The following PDE6C variants were observed in gnomAD, a reference collection of about 807,000 sequenced individuals.
The protein encoded by PDE6C is cone cGMP-specific 3',5'-cyclic phosphodiesterase subunit alpha'.
In PDE6C, 75 loss-of-function variants were observed where a neutral mutation model predicts 113.1. The observed-to-expected ratio is 0.66, with a 90% CI of 0.55 to 0.80. The LOEUF is 0.80. PDE6C is among the 30% of genes least tolerant of loss of function. The pLI is 0.00. For synonymous variants in PDE6C, 375 were observed against 363.7 expected, an observed-to-expected ratio of 1.03 and a Z score of -0.35; for missense variants, 912 against 1,038.6, an observed-to-expected ratio of 0.88 and a Z score of 1.67.
At chr10:93,663,829 A>C (rs989145845) in intron 21 of PDE6C, among the ~76,000 whole-genome samples, 10 of 152,306 alleles carry the variant, frequency 6.6e-5, no homozygotes, top group Admixed American at 5.9e-4. Flanking sequence ...AGTTCATCAG[A>C]TGGCCCAAAC....
At position 93,626,768 on chromosome 10, in the gene PDE6C, C is replaced by T. The variant is rs758096236; in HGVS notation, c.1005-37C>T. 68 of 1,604,528 alleles carry T rather than the reference C, an allele frequency of 4.2e-5. No homozygotes were observed. The Admixed American group carries it at 1.1e-3, about 25-fold the overall frequency. ...GTATTTTTGCACATATTGCATTTCT[C>T]TATATTGCAATGATTTTTTTTCTTC... On this transcript the variant is annotated intron_variant, in intron 6 of 21. Transcript: ENST00000371447.
chr10:93,648,080 A>G (rs2058592868), intron 15 of PDE6C, among the ~76,000 whole-genome samples: 1 of 152,156 alleles, frequency 6.6e-6, no homozygotes, highest in Non-Finnish European at 1.5e-5. Context: ...CAGCTGCCAA[A>G]TATCTACATG....
At chr10:93,650,526 G>A (rs2058605103) in intron 15 of PDE6C, among the ~76,000 whole-genome samples, 1 of 152,240 alleles carries the variant, frequency 6.6e-6, no homozygotes, top group South Asian at 2.1e-4. Flanking sequence ...GGGATTACAG[G>A]TGTGAGTCAC....
chr10:93,629,943 C>A (rs929070436), intron 8 of PDE6C, among the ~76,000 whole-genome samples: 4 of 152,054 alleles, frequency 2.6e-5, no homozygotes, highest in Non-Finnish European at 5.9e-5. Context: ...GATTGGGGAC[C>A]CCTGATCTAA....
Position 93,651,772 on chromosome 10 carries a change from G to A in PDE6C, c.1936-3988G>A, listed in dbSNP as rs371278823. 5.3e-5 allele frequency among the ~76,000 whole-genome samples: 8 copies of A among 152,258 alleles called. 1 individual carries two copies. The highest frequency in any genetic ancestry group is 1.9e-4 in the African/African-American group (8 of 41,532). ...CCCTCCTTCACTTCTTGTTACCTAT[G>A]ACAATGTCTTTGGTCTAGGAGATTG... is the stretch of plus-strand genomic sequence containing the variant. On this transcript the variant is annotated intron_variant, in intron 15 of 21. Coordinates refer to ENST00000371447, the MANE Select transcript of PDE6C (RefSeq NM_006204.4).
chr10:93,662,470 A>AAG, intron 19 of PDE6C, 90 bp from the exon 20 acceptor site: 1 of 516,490 alleles, frequency 1.9e-6, no homozygotes, highest in South Asian at 2.1e-5. Flanking sequence ...CAAAAAAAAA[A>AAG]AAAAAAAAAA....
At chr10:93,662,883 T>C in intron 20 of PDE6C, 145 bp from the exon 21 acceptor site, 1 of 746,994 alleles carries the variant, frequency 1.3e-6, no homozygotes. Flanking sequence ...CGTGTCTCTT[T>C]CCCAAACTTC....
intron 13 of PDE6C, 76 bp downstream of exon 13, chr10:93,640,633 C>T (rs771327942): frequency 2.9e-6 from 3 of 1,048,516 alleles, no homozygotes; most frequent in African/African-American, 1.6e-5. Flanking sequence ...AGGTATGGTC[C>T]ATCATTTTAG....
rs182548157 is a variant in PDE6C, at chr10:93,620,104, C to A, written c.481-528C>A. ...AGCATGGAGAAAGGCATAGGAGACA[C>A]ACCAGCAGTTAGCACGGATTTCTTC... On this transcript the variant is annotated intron_variant, in intron 1 of 21. Transcript: ENST00000371447. Among the ~76,000 whole-genome samples the A allele has an allele frequency of 1.2e-4, 19 of 152,200 alleles. No homozygotes were observed. The East Asian group carries it at 3.5e-3, about 28-fold the overall frequency.
chr10:93,653,029 CT>C (rs1485025844), intron 15 of PDE6C, among the ~76,000 whole-genome samples: 1 of 152,142 alleles, frequency 6.6e-6, no homozygotes, highest in Non-Finnish European at 1.5e-5. Context: ...TCAAGGTTGG[CT>C]TCAAATATTA....
intron 16 of PDE6C, among the ~76,000 whole-genome samples, chr10:93,657,328 A>ATTTTTTTTTTTT (rs71031526): frequency 3.4e-5 from 3 of 88,284 alleles, no homozygotes; most frequent in African/African-American, 4.6e-5. Context: ...CGCCTGGCTA[A>ATTTTTTTTTTTT]TTTTTTTTTT....
intron 4 of PDE6C, among the ~76,000 whole-genome samples, chr10:93,623,278 T>G (rs1010809149): frequency 6.6e-6 from 1 of 152,248 alleles, no homozygotes; most frequent in Non-Finnish European, 1.5e-5. Flanking sequence ...GAGAGATAGC[T>G]GCTCAGATTT....
At chr10:93,636,858 C>T (rs1418415196) in intron 10 of PDE6C, 137 bp from the exon 11 acceptor site, 1 of 657,832 alleles carries the variant, frequency 1.5e-6, no homozygotes, top group African/African-American at 1.8e-5. Context: ...TCTTCCAACT[C>T]CTGGGCTCCA....
chr10:93,651,747 C>T (rs1161128378), intron 15 of PDE6C, among the ~76,000 whole-genome samples: 2 of 152,152 alleles, frequency 1.3e-5, no homozygotes, highest in Non-Finnish European at 2.9e-5. Context: ...TGTCTGCCTT[C>T]CCTCCTTCAC....
intron 8 of PDE6C, among the ~76,000 whole-genome samples, chr10:93,631,568 T>C (rs373741775): frequency 3.3e-5 from 5 of 152,142 alleles, no homozygotes; most frequent in East Asian, 3.9e-4. Flanking sequence ...CTCTGTCTGA[T>C]GTCTCTCTCA....
At chr10:93,640,702 T>C (rs1190976809) in intron 13 of PDE6C, 145 bp downstream of exon 13, 3 of 746,000 alleles carry the variant, frequency 4.0e-6, no homozygotes, top group Non-Finnish European at 7.2e-6. Context: ...AGTCCCAGTA[T>C]CCTTGAGCAC....
At chr10:93,660,364 A>C (rs1309103243) in intron 18 of PDE6C, among the ~76,000 whole-genome samples, 1 of 152,206 alleles carries the variant, frequency 6.6e-6, no homozygotes, top group African/African-American at 2.4e-5. Flanking sequence ...ATAGAATTCA[A>C]CAAAGAGGGT....
chr10:93,653,686 A>C (rs75032586), intron 15 of PDE6C, among the ~76,000 whole-genome samples: 1 of 152,074 alleles, frequency 6.6e-6, no homozygotes, highest in Non-Finnish European at 1.5e-5. Flanking sequence ...ACAAAAAAAA[A>C]CATTGATTTT....
rs149739681 is a variant in PDE6C, at chr10:93,613,187, T to C, written c.462T>C (p.Asn154=). The change falls in exon 1 of 22, where the codon AAT becomes AAC. Residue 154 remains asparagine, a synonymous_variant. Transcript: ENST00000371447. The part of the protein sequence containing the change: ...GWAAHTKKTH[N]VPDVKKNSHF... Reference sequence around the variant, plus strand: ...CTGCTCACACGAAGAAAACTCATAATGTCCCAGATGTGAAAAAGGTAGGTG... The same window carrying C: ...CTGCTCACACGAAGAAAACTCATAACGTCCCAGATGTGAAAAAGGTAGGTG... 3.9e-5 allele frequency: 63 copies of C among 1,613,622 alleles called. No homozygotes were observed. Among genetic ancestry groups the C allele is most frequent in the Non-Finnish European group, 4.2e-6 (5 of 1,180,016 alleles).
Sources: gnomAD v4.1 joint callset for allele counts (sites outside exome capture counted in the v4.1 genomes callset) on GRCh38, gnomAD v4.1.1 for gene constraint, MANE v1.5 for transcripts, NCBI Gene and HGNC (gene_info 2026-07-23, HGNC 2026-07-21) for gene names.